The following CCDC33 variants were observed in gnomAD, a reference collection of about 807,000 sequenced individuals.
The protein encoded by CCDC33 is coiled-coil domain-containing protein 33.
CCDC33 carries 94 observed loss-of-function variants against 91.9 expected under a neutral mutation model. The observed-to-expected ratio is 1.02, with a 90% CI of 0.87 to 1.21. The LOEUF (loss-of-function observed/expected upper bound fraction) is 1.21. CCDC33 is among the 50% of genes most tolerant of loss of function. The pLI is 0.00. For synonymous variants in CCDC33, 396 were observed against 374.5 expected, an observed-to-expected ratio of 1.06 and a Z score of -0.66; for missense variants, 940 against 935.5, an observed-to-expected ratio of 1.00 and a Z score of -0.06.
At chr15:74,326,500 C>T (rs1242721605) in intron 11 of CCDC33, among the ~76,000 whole-genome samples, 1 of 152,216 alleles carries the variant, frequency 6.6e-6, no homozygotes, top group African/African-American at 2.4e-5. Context: ...GCTCAGAGAA[C>T]AGCCTCCCTT....
At chr15:74,230,800 C>CCTG (rs773887847) in intron 2 of CCDC33, among the ~76,000 whole-genome samples, 21 of 152,204 alleles carry the variant, frequency 1.4e-4, no homozygotes, top group Non-Finnish European at 1.5e-4. Flanking sequence ...CTGCACAGAG[C>CCTG]CTGCTGGTAG....
intron 17 of CCDC33, 108 bp downstream of exon 17, chr15:74,334,075 A>C: frequency 1.0e-6 from 1 of 971,886 alleles, no homozygotes; most frequent in South Asian, 1.7e-5. Flanking sequence ...ACCAGGATCA[A>C]GGCTTAGTGT....
chr15:74,320,366 G>A (rs965815286), intron 11 of CCDC33, among the ~76,000 whole-genome samples: 3 of 151,978 alleles, frequency 2.0e-5, no homozygotes, highest in African/African-American at 4.8e-5. Context: ...CACCTCAAAG[G>A]CCCAGCTCCA....
At chr15:74,332,970 G>C (rs1402579736) in intron 16 of CCDC33, 125 bp downstream of exon 16, 3 of 1,169,172 alleles carry the variant, frequency 2.6e-6, no homozygotes, top group Admixed American at 2.6e-5. Flanking sequence ...AGTCTGCCTG[G>C]GGGCTCCTGG....
intron 2 of CCDC33, chr15:74,221,216 GTTTTTTTTTT>G (rs56039521): frequency 9.0e-5 from 61 of 676,378 alleles, no homozygotes; most frequent in East Asian, 2.5e-4. Context: ...TGTGGCACTG[GTTTTTTTTTT>G]TTTTTTTTTT....
chr15:74,295,644 G>A, intron 10 of CCDC33, 110 bp from the exon 11 acceptor site: 1 of 901,046 alleles, frequency 1.1e-6, no homozygotes, highest in East Asian at 2.5e-5. Flanking sequence ...GCCATGCAGG[G>A]CCTCCTGAGC....
chr15:74,214,857 A>G (rs2074399171), upstream of CCDC33, among the ~76,000 whole-genome samples: 1 of 152,256 alleles, frequency 6.6e-6, no homozygotes, highest in African/African-American at 2.4e-5. Flanking sequence ...TCCTTTCTGC[A>G]TAAGTAGAAG....
chr15:74,326,354 G>A (rs868040700), intron 11 of CCDC33, among the ~76,000 whole-genome samples: 3 of 152,220 alleles, frequency 2.0e-5, no homozygotes, highest in Middle Eastern at 3.2e-3. Context: ...AGAAGGTGGT[G>A]GAGGAAAAAG....
chr15:74,318,548 C>T (rs1376077455), intron 11 of CCDC33: 2 of 692,750 alleles, frequency 2.9e-6, no homozygotes, highest in African/African-American at 3.8e-5. Flanking sequence ...AGCAACAGTC[C>T]CTGGGGACCC....
At chr15:74,330,096 T>G (rs2060395983) in intron 11 of CCDC33, 93 bp from the exon 12 acceptor site, 1 of 1,432,278 alleles carries the variant, frequency 7.0e-7, no homozygotes. Flanking sequence ...ACTGGCCTTG[T>G]GGGGGACCCA....
Position 74,333,890 on chromosome 15 carries a change from T to C in CCDC33, c.1948T>C (p.Ser650Pro). 1 of 1,613,334 alleles carries C rather than the reference T, an allele frequency of 6.2e-7. No homozygotes were observed. Among genetic ancestry groups the C allele is most frequent in the Non-Finnish European group, 8.5e-7 (1 of 1,179,492 alleles). ...LQQQALPDLL[S>P]GTSDKFNLLA... ...TGTGCTTTGCCCACAGGATCTCCTC[T>C]CTGGTACTTCAGACAAGTTCAACCT... is the stretch of plus-strand genomic sequence containing the variant. Residue 650 changes from serine (S) to proline (P), a missense_variant, in exon 17 of 19, where the codon TCT (serine) becomes CCT (proline). Ser to Pro is a moderately conservative substitution (Grantham distance 74). Coordinates refer to ENST00000398814, the MANE Select transcript of CCDC33 (RefSeq NM_025055.5).
rs1038710369 is a variant in CCDC33 at position 74,244,336 on chromosome 15, G to C, written c.185+188G>C. ...ATGGGAAGCTGCTCACCAGGGCTGGGGAAGACAGGGTGCCAACGGATCCAG... is the reference window on the plus strand; with the variant it reads ...ATGGGAAGCTGCTCACCAGGGCTGGCGAAGACAGGGTGCCAACGGATCCAG... On this transcript the variant is annotated intron_variant, in intron 2 of 18. Coordinates refer to ENST00000398814, the MANE Select transcript of CCDC33 (RefSeq NM_025055.5). This position sits in a 1 kb window ranked among gnomAD's most constrained non-coding sequence, Gnocchi z 4.2. Among the ~76,000 whole-genome samples the C allele has an allele frequency of 1.3e-5, 2 of 152,160 alleles. No homozygotes were observed. Among genetic ancestry groups the C allele is most frequent in the Non-Finnish European group, 2.9e-5 (2 of 68,018 alleles).
intron 18 of CCDC33, 165 bp downstream of exon 18, chr15:74,335,253 G>C (rs999192951): frequency 5.4e-6 from 4 of 734,324 alleles, no homozygotes; most frequent in African/African-American, 5.2e-5. Context: ...CCAACCGAAG[G>C]CTCGGTCTTA....
At chr15:74,319,734 C>G (rs2060167338) in intron 11 of CCDC33, 1 of 152,312 alleles carries the variant, frequency 6.6e-6, no homozygotes, top group South Asian at 2.1e-4. Flanking sequence ...TCCAGGAAGC[C>G]CCGCCCCCAC....
intron 1 of CCDC33, among the ~76,000 whole-genome samples, chr15:74,237,433 A>G (rs375050478): frequency 6.6e-6 from 1 of 152,252 alleles, no homozygotes; most frequent in Non-Finnish European, 1.5e-5. Context: ...ACCCACAGGG[A>G]TAGCAGAAGG....
upstream of CCDC33, among the ~76,000 whole-genome samples, chr15:74,231,470 T>A (rs2074970212): frequency 6.6e-6 from 1 of 152,248 alleles, no homozygotes; most frequent in Non-Finnish European, 1.5e-5. Flanking sequence ...GAGCCATTGG[T>A]CTGGCCTCAT....
At chr15:74,225,533 C>G (rs1428595512) in intron 2 of CCDC33, among the ~76,000 whole-genome samples, 1 of 151,820 alleles carries the variant, frequency 6.6e-6, no homozygotes, top group Non-Finnish European at 1.5e-5. Flanking sequence ...ACCCCCCTAC[C>G]CTCCACCTCC....
At chr15:74,283,670 T>G (rs1445622827) in intron 10 of CCDC33, among the ~76,000 whole-genome samples, 1 of 152,054 alleles carries the variant, frequency 6.6e-6, no homozygotes, top group Non-Finnish European at 1.5e-5. Flanking sequence ...CCCCTCCCCC[T>G]GGAGGCGGGT....
chr15:74,312,366 C>T (rs986174386), intron 11 of CCDC33, among the ~76,000 whole-genome samples: 1 of 152,172 alleles, frequency 6.6e-6, no homozygotes. Context: ...CAGGAGGGTC[C>T]CCCGTGCCTA....
Sources: gnomAD v4.1 joint callset for allele counts (sites outside exome capture counted in the v4.1 genomes callset) on GRCh38, gnomAD v4.1.1 for gene constraint, Gnocchi (gnomAD v3.1) non-coding constraint, MANE v1.5 for transcripts, NCBI Gene and HGNC (gene_info 2026-07-23, HGNC 2026-07-21) for gene names.